POU6F2: variants seen among roughly 807,000 people sequenced by gnomAD.
POU6F2 encodes POU domain, class 6, transcription factor 2.
A neutral mutation model predicts 71.3 loss-of-function variants in POU6F2; 31 were observed. That is an observed-to-expected ratio of 0.43 (90% CI 0.33 to 0.59). POU6F2 has a LOEUF of 0.59. Ranked by LOEUF, POU6F2 falls within the 20% of genes least tolerant of loss-of-function variation. The probability of loss-of-function intolerance (pLI) is 0.04; values close to 1 mark genes in which losing one functional copy is unlikely to be tolerated. For missense variants in POU6F2, 783 were observed against 856.8 expected (o/e 0.91, Z 1.07); for synonymous variants, 347 against 355.7 (o/e 0.98, Z 0.27).
intron 1 of POU6F2, among the ~76,000 whole-genome samples, chr7:38,979,547 G>C (rs904035054): frequency 6.6e-6 from 1 of 152,062 alleles, no homozygotes; most frequent in Admixed American, 6.6e-5. Flanking sequence ...GAAGTCTCTA[G>C]GCAGGAGAAA....
chr7:39,247,074 TC>T (rs1418342078), intron 4 of POU6F2, among the ~76,000 whole-genome samples: 1 of 152,092 alleles, frequency 6.6e-6, no homozygotes, highest in Non-Finnish European at 1.5e-5. Context: ...TCTTCAGTGC[TC>T]CTGATGGTCC....
At chr7:39,411,226 T>C (rs1787541787) in intron 6 of POU6F2, among the ~76,000 whole-genome samples, 1 of 152,078 alleles carries the variant, frequency 6.6e-6, no homozygotes, top group Non-Finnish European at 1.5e-5. Flanking sequence ...AAAATGTGAG[T>C]GTATATATGT....
rs190277930 is a variant in POU6F2 at position 39,394,838 on chromosome 7, C to A, written c.973-11762C>A. Among the ~76,000 whole-genome samples, 47 of 152,216 alleles carry A rather than the reference C, an allele frequency of 3.1e-4. 2 individuals are homozygous for A. In the East Asian group the frequency reaches 8.7e-3, roughly 28 times the overall value. ...GTATGTCCACGGCTCACTTAGCATA[C>A]CCCTACACTGGCTTGTACCCATTGG... On this transcript the variant is annotated intron_variant, in intron 5 of 9. Coordinates refer to ENST00000518318, the MANE Select transcript of POU6F2 (RefSeq NM_001370959.1).
At chr7:39,352,130 T>C (rs1562799988) in intron 5 of POU6F2, among the ~76,000 whole-genome samples, 3 of 152,228 alleles carry the variant, frequency 2.0e-5, no homozygotes, top group African/African-American at 7.2e-5. Context: ...GTCTGTTCTT[T>C]TTGTTTAGTA....
At chr7:39,136,561 T>C (rs1245121570) in intron 2 of POU6F2, among the ~76,000 whole-genome samples, 1 of 152,200 alleles carries the variant, frequency 6.6e-6, no homozygotes, top group Admixed American at 6.5e-5. Flanking sequence ...TACACATTTG[T>C]ACAGGCTTTT....
chr7:39,138,833 G>A (rs1206680841), intron 2 of POU6F2, among the ~76,000 whole-genome samples: 2 of 152,264 alleles, frequency 1.3e-5, no homozygotes, highest in Non-Finnish European at 2.9e-5. Context: ...CTGATTTACA[G>A]TGATCTAATT....
intron 2 of POU6F2, among the ~76,000 whole-genome samples, chr7:39,086,593 A>G (rs1004864417): frequency 2.0e-5 from 3 of 152,172 alleles, no homozygotes; most frequent in Admixed American, 2.0e-4. Context: ...GTGATGAGGA[A>G]AGAAAACAGG....
intron 4 of POU6F2, among the ~76,000 whole-genome samples, chr7:39,230,985 T>C (rs1460218731): frequency 6.6e-6 from 1 of 152,180 alleles, no homozygotes; most frequent in East Asian, 1.9e-4. Context: ...GAAGCACTTT[T>C]TGTTGTTGTA....
At chr7:39,178,243 G>C (rs564899033) in intron 2 of POU6F2, among the ~76,000 whole-genome samples, 1 of 152,100 alleles carries the variant, frequency 6.6e-6, no homozygotes, top group African/African-American at 2.4e-5. Context: ...AACAGAGTGA[G>C]ACTCCATCAA....
intron 2 of POU6F2, among the ~76,000 whole-genome samples, chr7:39,096,308 A>G (rs1301499694): frequency 6.6e-6 from 1 of 152,172 alleles, no homozygotes. Flanking sequence ...AGCAGTTGTT[A>G]AAGGCCAAAC....
chr7:39,007,943 T>C (rs1265217128), intron 1 of POU6F2, among the ~76,000 whole-genome samples: 8 of 151,432 alleles, frequency 5.3e-5, no homozygotes, highest in Non-Finnish European at 1.0e-4. Flanking sequence ...ACATTTGAGT[T>C]GGTTCCAAGT....
At chr7:39,434,464 A>G (rs1359587276) in intron 7 of POU6F2, among the ~76,000 whole-genome samples, 1 of 152,050 alleles carries the variant, frequency 6.6e-6, no homozygotes, top group Non-Finnish European at 1.5e-5. Flanking sequence ...ATGAGTTAAT[A>G]TATATATGAA....
chr7:39,227,381 C>T (rs1175543299), intron 4 of POU6F2, among the ~76,000 whole-genome samples: 2 of 151,848 alleles, frequency 1.3e-5, no homozygotes, highest in Non-Finnish European at 1.5e-5. Flanking sequence ...AAAATTGTAT[C>T]ATGTTGATTT....
intron 2 of POU6F2, among the ~76,000 whole-genome samples, chr7:39,159,012 C>CA: frequency 6.6e-6 from 1 of 150,398 alleles, no homozygotes; most frequent in East Asian, 2.0e-4. Flanking sequence ...TCTATACTAA[C>CA]AATTAAAAAA....
chr7:39,178,242 A>G (rs754306862), intron 2 of POU6F2, among the ~76,000 whole-genome samples: 1 of 152,160 alleles, frequency 6.6e-6, no homozygotes, highest in Admixed American at 6.5e-5. Context: ...CAACAGAGTG[A>G]GACTCCATCA....
chr7:39,426,558 T>C (rs11762581), intron 6 of POU6F2, among the ~76,000 whole-genome samples: 1 of 152,134 alleles, frequency 6.6e-6, no homozygotes, highest in Admixed American at 6.5e-5. Context: ...ACTCTCTTTG[T>C]GTCTCCCTCC....
intron 4 of POU6F2, among the ~76,000 whole-genome samples, chr7:39,284,179 G>A (rs4318977): frequency 0.76 from 115,214 of 152,100 alleles, 43,742 homozygotes; most frequent in Middle Eastern, 0.85. Context: ...ATAGATACTT[G>A]GTCTGTATAT....
intron 2 of POU6F2, among the ~76,000 whole-genome samples, chr7:39,125,432 C>T (rs1792121875): frequency 6.6e-6 from 1 of 152,158 alleles, no homozygotes; most frequent in South Asian, 2.1e-4. Flanking sequence ...TGAGCAATGA[C>T]CAGTACTAAT....
intron 2 of POU6F2, among the ~76,000 whole-genome samples, chr7:39,121,528 T>G (rs966535227): frequency 6.6e-6 from 1 of 152,232 alleles, no homozygotes; most frequent in East Asian, 1.9e-4. Flanking sequence ...GTATTTCTCG[T>G]TATTATTTCT....
Sources: gnomAD v4.1 joint callset for allele counts (sites outside exome capture counted in the v4.1 genomes callset) on GRCh38, gnomAD v4.1.1 for gene constraint, MANE v1.5 for transcripts, NCBI Gene and HGNC (gene_info 2026-07-23, HGNC 2026-07-21) for gene names.